Variants in LRRC4C observed in about 807,000 individuals in gnomAD.
LRRC4C encodes leucine-rich repeat-containing protein 4C.
In LRRC4C, 5 loss-of-function variants were observed where a neutral mutation model predicts 33.6. That is an observed-to-expected ratio of 0.15 (90% CI 0.08 to 0.31). LRRC4C has a LOEUF of 0.31. Ranked by LOEUF, LRRC4C falls within the 10% of genes least tolerant of loss-of-function variation. LRRC4C has a pLI of 1.00. For missense variants in LRRC4C, 560 were observed against 796.7 expected (o/e 0.70, Z 3.58); for synonymous variants, 329 against 302.0 (o/e 1.09, Z -0.93).
At chr11:40,198,166 G>A (rs532531570) in intron 5 of LRRC4C, among the ~76,000 whole-genome samples, 1 of 152,252 alleles carries the variant, frequency 6.6e-6, no homozygotes, top group Non-Finnish European at 1.5e-5. Context: ...GAAGGCGAAA[G>A]GGACGGACAA....
chr11:41,104,962 TA>T (rs1038927712), intron 1 of LRRC4C, among the ~76,000 whole-genome samples: 2 of 151,868 alleles, frequency 1.3e-5, no homozygotes, highest in African/African-American at 4.8e-5. Context: ...TGCAAATGGG[TA>T]AAAGGTTCCT....
chr11:40,387,296 T>G (rs1949148847), intron 3 of LRRC4C, among the ~76,000 whole-genome samples: 1 of 152,140 alleles, frequency 6.6e-6, no homozygotes, highest in Admixed American at 6.5e-5. Context: ...CCCAATAACA[T>G]TATCCTTATT....
chr11:40,786,754 A>G (rs1180546762), intron 2 of LRRC4C, among the ~76,000 whole-genome samples: 2 of 152,098 alleles, frequency 1.3e-5, no homozygotes, highest in Admixed American at 1.3e-4. Context: ...CATTAGTCAA[A>G]TCTCACCCAC....
chr11:40,240,695 C>G (rs1754248043), intron 5 of LRRC4C, among the ~76,000 whole-genome samples: 2 of 152,116 alleles, frequency 1.3e-5, no homozygotes, highest in African/African-American at 4.8e-5. Flanking sequence ...TAACTAAAAC[C>G]TATATGGGCA....
At chr11:41,274,906 A>G (rs924525579) in intron 1 of LRRC4C, among the ~76,000 whole-genome samples, 1 of 151,950 alleles carries the variant, frequency 6.6e-6, no homozygotes, top group Non-Finnish European at 1.5e-5. Flanking sequence ...TCTAAATCTC[A>G]TGTGGAAATG....
intron 4 of LRRC4C, among the ~76,000 whole-genome samples, chr11:40,245,000 T>A (rs1005046973): frequency 2.6e-5 from 4 of 152,190 alleles, no homozygotes; most frequent in Admixed American, 2.6e-4. Flanking sequence ...ATCAATAGGC[T>A]CCTAAAGAAT....
chr11:41,137,103 C>T (rs1943297817), intron 1 of LRRC4C, among the ~76,000 whole-genome samples: 1 of 152,024 alleles, frequency 6.6e-6, no homozygotes, highest in Non-Finnish European at 1.5e-5. Context: ...CAAAAATTAG[C>T]CAGGTATGGT....
intron 1 of LRRC4C, among the ~76,000 whole-genome samples, chr11:41,006,396 T>G (rs1854755977): frequency 6.6e-6 from 1 of 152,206 alleles, no homozygotes; most frequent in African/African-American, 2.4e-5. Context: ...GGCAACCACA[T>G]AATTTGGCCA....
At chr11:40,500,482 T>C (rs1338188796) in intron 3 of LRRC4C, among the ~76,000 whole-genome samples, 1 of 151,868 alleles carries the variant, frequency 6.6e-6, no homozygotes, top group Non-Finnish European at 1.5e-5. Context: ...ATCAGTTTAA[T>C]GGTGTCACAG....
Position 40,633,341 on chromosome 11 carries a change from C to CTT in LRRC4C, c.-270+14799_-270+14800dup, listed in dbSNP as rs1320302960. 6.4e-5 allele frequency among the ~76,000 whole-genome samples: 2 copies of CTT among 31,170 alleles called. 1 individual carries two copies. Among genetic ancestry groups the CTT allele is most frequent in the African/African-American group, 2.5e-4 (2 of 7,922 alleles). 20.4% of individuals were successfully genotyped at this position (31,170 alleles called of 152,430 possible). ...AAGTTTTCTTTTTCTTTCTTTCTTT[C>CTT]TTTCTTTCTTTCTTTCTTTCTTTCT... On this transcript the variant is annotated intron_variant, in intron 3 of 6. Transcript: ENST00000528697.
Position 40,115,681 on chromosome 11 carries a change from A to G in LRRC4C, c.612T>C (p.Leu204=). The change falls in exon 7 of 7, where the codon CTT becomes CTC. Residue 204 remains leucine (L), a synonymous_variant. Coordinates refer to ENST00000528697, the MANE Select transcript of LRRC4C (RefSeq NM_001258419.2). The surrounding 1 kb of genome is among the most constrained non-coding windows in gnomAD (Gnocchi z 6.7). ...GGATTTCCCGAAGGTTGCACATGGC[A>G]AGGTTCAAATACCTCAAGTTGGACA... The part of the protein sequence containing the change: ...EGLSNLRYLN[L]AMCNLREIPN... 2 of 1,614,164 alleles carry G rather than the reference A, an allele frequency of 1.2e-6. No individual in the cohort carries two copies. The highest frequency in any genetic ancestry group is 1.1e-5 in the South Asian group (1 of 91,084).
intron 3 of LRRC4C, among the ~76,000 whole-genome samples, chr11:40,554,738 T>C (rs1957264316): frequency 1.1e-3 from 1 of 908 alleles, no homozygotes. Context: ...ATTGCATTCT[T>C]TTTTTTTTTT....
intron 1 of LRRC4C, among the ~76,000 whole-genome samples, chr11:41,272,960 G>T (rs1314467616): frequency 6.6e-6 from 1 of 152,126 alleles, no homozygotes; most frequent in Non-Finnish European, 1.5e-5. Context: ...CTTAGTTCAT[G>T]CATGCATGCA....
chr11:40,961,333 G>A (rs1302253425), intron 1 of LRRC4C, among the ~76,000 whole-genome samples: 3 of 151,556 alleles, frequency 2.0e-5, no homozygotes, highest in African/African-American at 7.3e-5. Flanking sequence ...CTGAAACATT[G>A]AGGCTCCATT....
intron 5 of LRRC4C, among the ~76,000 whole-genome samples, chr11:40,189,874 A>C (rs1861696256): frequency 6.6e-6 from 1 of 152,232 alleles, no homozygotes; most frequent in Admixed American, 6.5e-5. Context: ...CATGCTATCT[A>C]AAATGCACCA....
intron 1 of LRRC4C, among the ~76,000 whole-genome samples, chr11:40,993,434 C>G (rs1319908758): frequency 6.6e-6 from 1 of 152,000 alleles, no homozygotes; most frequent in Non-Finnish European, 1.5e-5. Context: ...GGAGTTATTG[C>G]TTGGTTCGTT....
intron 3 of LRRC4C, among the ~76,000 whole-genome samples, chr11:40,436,157 A>C (rs1036017820): frequency 7.2e-5 from 11 of 152,220 alleles, no homozygotes; most frequent in Non-Finnish European, 1.3e-4. Context: ...GTCTCTCCAA[A>C]ATAAATGGTT....
At chr11:40,522,045 G>C (rs1418843444) in intron 3 of LRRC4C, among the ~76,000 whole-genome samples, 1 of 152,100 alleles carries the variant, frequency 6.6e-6, no homozygotes, top group Non-Finnish European at 1.5e-5. Flanking sequence ...AAAAGAGCAA[G>C]AGTTTCCCTC....
At position 40,123,042 on chromosome 11, in the gene LRRC4C, T is replaced by C. The variant is rs144694611; in HGVS notation, c.-42-6708A>G. The stretch of plus-strand genomic sequence containing the variant: ...ACTGACCCCAGTACTTAAGGGTGAA[T>C]AGAGTTTCATTTAAGCTAGAAGTAG... On this transcript the variant is annotated intron_variant, in intron 6 of 6. Transcript: ENST00000528697. 2.4e-3 allele frequency among the ~76,000 whole-genome samples: 360 copies of C among 150,976 alleles called. 1 individual carries two copies. Among genetic ancestry groups the C allele is most frequent in the African/African-American group, 8.4e-3 (345 of 41,094 alleles).
Sources: gnomAD v4.1 joint callset for allele counts (sites outside exome capture counted in the v4.1 genomes callset) on GRCh38, gnomAD v4.1.1 for gene constraint, Gnocchi (gnomAD v3.1) non-coding constraint, MANE v1.5 for transcripts, NCBI Gene and HGNC (gene_info 2026-07-23, HGNC 2026-07-21) for gene names.